Variants in CFAP20DC observed in about 807,000 individuals in gnomAD.
CFAP20DC encodes protein CFAP20DC.
CFAP20DC carries 84 observed loss-of-function variants against 101.7 expected under a neutral mutation model. The ratio of observed to expected loss-of-function variants is 0.83; its 90% CI spans 0.69 to 0.99. The LOEUF (loss-of-function observed/expected upper bound fraction) is 0.99, where lower values mean the gene tolerates loss of function less well. Ranked by LOEUF, CFAP20DC falls within the 50% of genes least tolerant of loss-of-function variation. The pLI is 0.00. For synonymous variants in CFAP20DC, 359 were observed against 351.2 expected (o/e 1.02, Z -0.25); for missense variants, 1,007 against 970.3 (o/e 1.04, Z -0.50).
intron 3 of CFAP20DC, among the ~76,000 whole-genome samples, chr3:58,731,779 G>A (rs2067650458): frequency 6.6e-6 from 1 of 152,132 alleles, no homozygotes; most frequent in Non-Finnish European, 1.5e-5. Context: ...CTGCAACCAC[G>A]GAGCTAACAA....
At chr3:58,934,727 T>C (rs1015468918) in intron 5 of CFAP20DC, among the ~76,000 whole-genome samples, 4 of 152,212 alleles carry the variant, frequency 2.6e-5, no homozygotes, top group Non-Finnish European at 5.9e-5. Context: ...CAACAGCCCT[T>C]CATGCTAAAA....
chr3:58,791,790 C>G (rs1380666441), intron 15 of CFAP20DC, among the ~76,000 whole-genome samples: 1 of 152,190 alleles, frequency 6.6e-6, no homozygotes, highest in African/African-American at 2.4e-5. Context: ...GACTGAACCA[C>G]CATCATCTTG....
chr3:59,038,342 C>CA (rs1177655799), intron 4 of CFAP20DC, among the ~76,000 whole-genome samples: 1 of 152,036 alleles, frequency 6.6e-6, no homozygotes, highest in African/African-American at 2.4e-5. Flanking sequence ...TGTGGAAAAC[C>CA]ATGAAGTTTG....
intron 15 of CFAP20DC, among the ~76,000 whole-genome samples, chr3:58,786,150 CCTT>C (rs1416905376): frequency 6.6e-6 from 1 of 152,126 alleles, no homozygotes; most frequent in African/African-American, 2.4e-5. Context: ...TCTTGCTAAT[CCTT>C]CTTTTATTAC....
In CFAP20DC at chr3:58,882,439, A is replaced by G. The variant is rs1396850758; in HGVS notation, c.715+2106T>C. Reference sequence around the variant, plus strand: ...CATTTAAAGACATAATTAATTCTTAAAACATTAAGCTAGAGAATAAAAGCA... The same window carrying G: ...CATTTAAAGACATAATTAATTCTTAGAACATTAAGCTAGAGAATAAAAGCA... On this transcript the variant is annotated intron_variant, in intron 7 of 16. Coordinates refer to ENST00000482387, the MANE Select transcript of CFAP20DC (RefSeq NM_001394063.1). The surrounding 1 kb of genome is among the most constrained non-coding windows in gnomAD (Gnocchi z 4.2). 6.6e-6 allele frequency among the ~76,000 whole-genome samples: 1 copy of G among 152,182 alleles called. No individual in the cohort carries two copies. The highest frequency in any genetic ancestry group is 1.5e-5 in the Non-Finnish European group (1 of 68,010).
At chr3:58,784,337 C>A (rs2072120922) in intron 15 of CFAP20DC, among the ~76,000 whole-genome samples, 1 of 151,652 alleles carries the variant, frequency 6.6e-6, no homozygotes, top group African/African-American at 2.4e-5. Context: ...TCATGAAAGA[C>A]TATAGCAACA....
intron 6 of CFAP20DC, chr3:58,887,464 T>A (rs557989048): frequency 3.3e-5 from 5 of 152,360 alleles, no homozygotes; most frequent in African/African-American, 9.6e-5. Context: ...ATGAAAACTT[T>A]AGCTTAGCGG....
intron 4 of CFAP20DC, among the ~76,000 whole-genome samples, chr3:58,941,598 T>G (rs963948789): frequency 3.3e-5 from 5 of 151,786 alleles, no homozygotes; most frequent in Non-Finnish European, 7.4e-5. Flanking sequence ...AGATAGAATC[T>G]CGCTCTGTGG....
chr3:58,936,944 ATAAATT>A (rs2087748931), intron 5 of CFAP20DC, among the ~76,000 whole-genome samples: 1 of 140,568 alleles, frequency 7.1e-6, no homozygotes, highest in South Asian at 2.7e-4. Flanking sequence ...TTAAAAAAAA[ATAAATT>A]TAAGCCAAAA....
chr3:58,873,916 T>C (rs561721096), intron 7 of CFAP20DC, among the ~76,000 whole-genome samples: 1 of 152,244 alleles, frequency 6.6e-6, no homozygotes, highest in South Asian at 2.1e-4. Flanking sequence ...CTGTTCTAGA[T>C]GTTGTCAGGC....
At chr3:58,924,919 G>A (rs1348819500) in intron 5 of CFAP20DC, among the ~76,000 whole-genome samples, 1 of 151,326 alleles carries the variant, frequency 6.6e-6, no homozygotes, top group Non-Finnish European at 1.5e-5. Flanking sequence ...CTTTTTAATG[G>A]GGTTATTTGT....
rs2079250240 is a variant in CFAP20DC at position 58,861,565 on chromosome 3, A to C, written c.1593+1993T>G. On this transcript the variant is annotated intron_variant, in intron 12 of 16. Transcript: ENST00000482387. The surrounding 1 kb of genome is among the most constrained non-coding windows in gnomAD (Gnocchi z 4.0). ...AAGAAAAAATCCAATTTTGTTAAGA[A>C]GGTATCATTACACATGCTAAAACTT... is the stretch of plus-strand genomic sequence containing the variant. 2.0e-6 allele frequency: 2 copies of C among 984,698 alleles called. No individual in the cohort carries two copies. The highest frequency in any genetic ancestry group is 4.7e-5 in the South Asian group (1 of 21,278). 61.0% of individuals were successfully genotyped at this position (984,698 alleles called of 1,614,324 possible).
chr3:58,878,961 T>C (rs1344085021), intron 7 of CFAP20DC, among the ~76,000 whole-genome samples: 2 of 151,852 alleles, frequency 1.3e-5, no homozygotes, highest in Non-Finnish European at 2.9e-5. Flanking sequence ...CGAGCCAAGA[T>C]TGTGCCACTG....
intron 4 of CFAP20DC, among the ~76,000 whole-genome samples, chr3:59,003,571 G>A (rs1227437234): frequency 6.6e-6 from 1 of 152,122 alleles, no homozygotes; most frequent in Non-Finnish European, 1.5e-5. Context: ...GATACAGTGT[G>A]GTTATAAGCC....
chr3:59,007,140 A>C lies in CFAP20DC; in HGVS notation c.278+32417T>G, dbSNP rs559212088. Among the ~76,000 whole-genome samples the C allele has an allele frequency of 1.6e-3, 247 of 152,176 alleles. 1 individual carries two copies. The highest frequency in any genetic ancestry group is 5.5e-3 in the African/African-American group (229 of 41,516). On this transcript the variant is annotated intron_variant, in intron 4 of 16. Coordinates refer to ENST00000482387, the MANE Select transcript of CFAP20DC (RefSeq NM_001394063.1). This position sits in a 1 kb window ranked among gnomAD's most constrained non-coding sequence, Gnocchi z 4.4. ...ATACTTCCCTCTGGAACAAAACCCC[A>C]TTGGCCTGAGAACCACCCCCAACTC...
intron 15 of CFAP20DC, among the ~76,000 whole-genome samples, chr3:58,781,009 C>T (rs1438410707): frequency 1.3e-5 from 2 of 152,004 alleles, no homozygotes; most frequent in Non-Finnish European, 2.9e-5. Context: ...GCACACACAA[C>T]ATTCTCCAGG....
At chr3:58,866,826 T>A (rs1333434448) in intron 10 of CFAP20DC, 138 bp from the exon 11 acceptor site, 2 of 531,996 alleles carry the variant, frequency 3.8e-6, no homozygotes, top group Non-Finnish European at 6.4e-6. Flanking sequence ...ATGAATTACA[T>A]GCAGTTTTTT....
intron 15 of CFAP20DC, among the ~76,000 whole-genome samples, chr3:58,803,357 G>A (rs2073842987): frequency 6.6e-6 from 1 of 152,126 alleles, no homozygotes; most frequent in South Asian, 2.1e-4. Flanking sequence ...CAAGTTAGAT[G>A]TTCATTTATC....
At chr3:58,852,445 A>G (rs2078335853) in intron 12 of CFAP20DC, among the ~76,000 whole-genome samples, 1 of 151,978 alleles carries the variant, frequency 6.6e-6, no homozygotes, top group Non-Finnish European at 1.5e-5. Flanking sequence ...CAGAAAGTCA[A>G]CAAGGATACC....
Sources: gnomAD v4.1 joint callset for allele counts (sites outside exome capture counted in the v4.1 genomes callset) on GRCh38, gnomAD v4.1.1 for gene constraint, Gnocchi (gnomAD v3.1) non-coding constraint, MANE v1.5 for transcripts, NCBI Gene and HGNC (gene_info 2026-07-23, HGNC 2026-07-21) for gene names.